Variants in SCML4 observed in about 807,000 individuals in gnomAD.
SCML4 encodes the protein Scm polycomb group protein like 4, also known as sex comb on midleg-like protein 4.
SCML4 carries 34 observed loss-of-function variants against 41.1 expected under a neutral mutation model. The ratio of observed to expected loss-of-function variants is 0.83; its 90% confidence interval spans 0.63 to 1.10. SCML4 has a LOEUF of 1.10. Ranked by LOEUF, SCML4 falls within the 50% of genes least tolerant of loss-of-function variation. The pLI is 0.00. For missense variants in SCML4, 522 were observed against 534.1 expected, an observed-to-expected ratio of 0.98 and a Z score of 0.22; for synonymous variants, 214 against 220.9, an observed-to-expected ratio of 0.97 and a Z score of 0.28.
At chr6:107,807,700 C>T (rs934950384) in intron 1 of SCML4, among the ~76,000 whole-genome samples, 2 of 152,198 alleles carry the variant, frequency 1.3e-5, no homozygotes, top group Non-Finnish European at 2.9e-5. Flanking sequence ...AGGCACTCTC[C>T]TTGACTATAT....
At position 107,707,303 on chromosome 6, in the gene SCML4, G is replaced by C. The variant is rs187876232; in HGVS notation, c.1119+563C>G. Among the ~76,000 whole-genome samples, 443 of 152,206 alleles carry C rather than the reference G, an allele frequency of 2.9e-3. 1 individual carries two copies. The highest frequency in any genetic ancestry group is 1.0e-2 in the African/African-American group (415 of 41,530). The stretch of plus-strand genomic sequence containing the variant: ...AGCCTGGGCGACAGAATGAGACTCC[G>C]TCTCAAACAAAAACAAACAAAAACA... On this transcript the variant is annotated intron_variant, in intron 7 of 7. Transcript: ENST00000369020.
chr6:107,743,950 G>GT (rs1300708697), intron 5 of SCML4: 2 of 152,272 alleles, frequency 1.3e-5, no homozygotes, highest in South Asian at 4.1e-4. Flanking sequence ...ACCTGCAGAT[G>GT]TATCTGTTTT....
At chr6:107,826,213 C>T (rs1785249912), upstream of SCML4, among the ~76,000 whole-genome samples, 1 of 147,848 alleles carries the variant, frequency 6.8e-6, no homozygotes, top group Non-Finnish European at 1.5e-5. Context: ...CATTGCACTC[C>T]AGCTTGGGTG....
chr6:107,845,109 G>A, the SCML4 span, among the ~76,000 whole-genome samples: 7 of 151,958 alleles, frequency 4.6e-5, no homozygotes, highest in East Asian at 1.9e-4. Context: ...TGTGGCACAC[G>A]CCTATAATCC....
intron 1 of SCML4, among the ~76,000 whole-genome samples, chr6:107,797,819 T>G (rs543013200): frequency 6.6e-6 from 1 of 151,922 alleles, no homozygotes; most frequent in East Asian, 1.9e-4. Flanking sequence ...TCCTAAGAGG[T>G]TTTTTTAATC....
At chr6:107,759,132 C>CAAAAAAAAAAAAAAAA (rs60124415) in intron 2 of SCML4, among the ~76,000 whole-genome samples, 18 of 88,222 alleles carry the variant, frequency 2.0e-4, no homozygotes, top group East Asian at 3.4e-4. Context: ...ACAAAAAATA[C>CAAAAAAAAAAAAAAAA]AAAAAAAAAA....
At chr6:107,764,411 G>T (rs747797824) in intron 2 of SCML4, among the ~76,000 whole-genome samples, 2 of 152,228 alleles carry the variant, frequency 1.3e-5, no homozygotes, top group Non-Finnish European at 2.9e-5. Flanking sequence ...AGAAGGGGAT[G>T]CTTGGAGGTG....
intron 1 of SCML4, among the ~76,000 whole-genome samples, chr6:107,773,944 T>C (rs1013407238): frequency 2.0e-5 from 3 of 152,214 alleles, no homozygotes; most frequent in Non-Finnish European, 4.4e-5. Flanking sequence ...AAATATAAAA[T>C]AGTGGAAGTT....
At chr6:107,721,258 T>C (rs1775382477) in intron 5 of SCML4, among the ~76,000 whole-genome samples, 1 of 152,164 alleles carries the variant, frequency 6.6e-6, no homozygotes, top group Non-Finnish European at 1.5e-5. Context: ...TTTTGGCCAT[T>C]GATGACTTAA....
intron 1 of SCML4, among the ~76,000 whole-genome samples, chr6:107,795,009 T>G (rs1562265657): frequency 6.6e-6 from 1 of 152,202 alleles, no homozygotes; most frequent in Non-Finnish European, 1.5e-5. Flanking sequence ...ACAGCCCACC[T>G]TAATTTATGA....
At chr6:107,757,723 A>C (rs1159628521) in intron 2 of SCML4, among the ~76,000 whole-genome samples, 2 of 152,244 alleles carry the variant, frequency 1.3e-5, no homozygotes, top group African/African-American at 4.8e-5. Context: ...GTGAGAACTC[A>C]ATAAAAGTTA....
In SCML4 at chr6:107,712,586, C is replaced by T. The variant is rs998283911; in HGVS notation, c.974-4575G>A. Among the ~76,000 whole-genome samples, 7 of 152,200 alleles carry T rather than the reference C, an allele frequency of 4.6e-5. No homozygotes were observed. The East Asian group carries it at 9.7e-4, about 21-fold the overall frequency. On this transcript the variant is annotated intron_variant, in intron 6 of 7. Transcript: ENST00000369020. ...GAGCAGAGGCAGCAGGGGCCTGGCTCGGGCGTGTTTCTTAGGGGGCCTTTT... is the reference window on the plus strand; with the variant it reads ...GAGCAGAGGCAGCAGGGGCCTGGCTTGGGCGTGTTTCTTAGGGGGCCTTTT...
chr6:107,827,994 C>G (rs79256359), upstream of SCML4, among the ~76,000 whole-genome samples: 485 of 152,368 alleles, frequency 3.2e-3, 8 homozygotes, highest in African/African-American at 0.011. Flanking sequence ...TTTGTTATAA[C>G]AGTGATAGCT....
At chr6:107,786,194 A>C (rs939712145) in intron 1 of SCML4, among the ~76,000 whole-genome samples, 9 of 152,246 alleles carry the variant, frequency 5.9e-5, no homozygotes, top group Admixed American at 2.0e-4. Context: ...GGATCGCAGC[A>C]GGTCTCAGAA....
At chr6:107,745,288 G>T in intron 4 of SCML4, 145 bp from the exon 5 acceptor site, 1 of 632,160 alleles carries the variant, frequency 1.6e-6, no homozygotes. Context: ...TGTTCACAAT[G>T]TCCTGTTTCT....
At chr6:107,835,616 C>A in the SCML4 span, among the ~76,000 whole-genome samples, 1 of 151,566 alleles carries the variant, frequency 6.6e-6, no homozygotes, top group Non-Finnish European at 1.5e-5. Flanking sequence ...TGGCATGCAC[C>A]TGTAGTTTCA....
intron 1 of SCML4, among the ~76,000 whole-genome samples, chr6:107,815,275 A>AG (rs1468230902): frequency 5.9e-5 from 9 of 152,194 alleles, no homozygotes; most frequent in Non-Finnish European, 1.3e-4. Flanking sequence ...TGCCACTTAG[A>AG]GGGCAGAGAC....
At chr6:107,771,856 G>A (rs1780545140) in intron 2 of SCML4, among the ~76,000 whole-genome samples, 1 of 152,216 alleles carries the variant, frequency 6.6e-6, no homozygotes, top group African/African-American at 2.4e-5. Flanking sequence ...GGAAAGCTCA[G>A]TGTCTGAAAC....
chr6:107,786,845 G>A (rs1439387330), intron 1 of SCML4, among the ~76,000 whole-genome samples: 2 of 152,154 alleles, frequency 1.3e-5, no homozygotes, highest in Non-Finnish European at 2.9e-5. Flanking sequence ...CAACAACAAG[G>A]CCACTGCAAT....
Sources: gnomAD v4.1 joint callset for allele counts (sites outside exome capture counted in the v4.1 genomes callset) on GRCh38, gnomAD v4.1.1 for gene constraint, MANE v1.5 for transcripts, NCBI Gene and HGNC (gene_info 2026-07-23, HGNC 2026-07-21) for gene names.